Variants in TOX observed in about 807,000 individuals in gnomAD.
The protein encoded by TOX is thymocyte selection associated high mobility group box.
Under a neutral mutation model 53.7 loss-of-function variants are expected in TOX, and 11 were observed. That is an observed-to-expected ratio of 0.20 (90% confidence interval 0.13 to 0.34). The LOEUF (loss-of-function observed/expected upper bound fraction) is 0.34. TOX is among the 10% of genes least tolerant of loss of function. The probability of loss-of-function intolerance (pLI) is 1.00; values close to 1 mark genes in which losing one functional copy is unlikely to be tolerated. For synonymous variants in TOX, 225 were observed against 245.3 expected, an observed-to-expected ratio of 0.92 and a Z score of 0.77; for missense variants, 570 against 664.6, an observed-to-expected ratio of 0.86 and a Z score of 1.56.
chr8:58,862,379 GTTAATA>G (rs1191058083), intron 3 of TOX, among the ~76,000 whole-genome samples: 3 of 152,042 alleles, frequency 2.0e-5, no homozygotes, highest in Admixed American at 6.6e-5. Flanking sequence ...ACCTAATTTA[GTTAATA>G]TTAACATCAC....
Position 58,851,425 on chromosome 8 carries a change from A to G in TOX, c.693+99T>C, listed in dbSNP as rs146616967. ...TTAACAAAGCAGGTGTCTCCCTCCA[A>G]TGTTTCTCGCATGGATGATATAAAC... On this transcript the variant is annotated intron_variant, in intron 4 of 8. Transcript: ENST00000361421. The surrounding 1 kb of genome is among the most constrained non-coding windows in gnomAD (Gnocchi z 4.4). 261 of 1,373,422 alleles carry G rather than the reference A, an allele frequency of 1.9e-4. 2 individuals carry two copies. The African/African-American group carries it at 2.9e-3, about 15-fold the overall frequency. The allele number at this position is 1,373,422 out of a possible 1,614,324, so 85.1% of individuals were successfully genotyped here.
Position 59,118,982 on chromosome 8 carries a change from G to C in TOX, c.6C>G (p.Asp2Glu), listed in dbSNP as rs1459678466. 6.2e-7 allele frequency: 1 copy of C among 1,600,456 alleles called. No individual in the cohort carries two copies. ...GGGCTGGAGGTGGATAAAATCTTACGTCCATTTCACTCTCACATCAAGCAA... is the reference window on the plus strand; with the variant it reads ...GGGCTGGAGGTGGATAAAATCTTACCTCCATTTCACTCTCACATCAAGCAA... The part of the protein sequence containing the change: M[D>E]VRFYPPPAQP... Residue 2 changes from aspartate (D) to glutamate (E), a missense_variant, in exon 1 of 9, where the codon GAC becomes GAG. Asp to Glu is a conservative substitution (Grantham distance 45, BLOSUM62 2). This residue lies in a region of TOX where 282 missense variants were observed against 315.0 expected (regional missense o/e 0.90). Coordinates refer to ENST00000361421, the MANE Select transcript of TOX (RefSeq NM_014729.3). The surrounding 1 kb of genome is among the most constrained non-coding windows in gnomAD (Gnocchi z 4.1).
At position 59,119,016 on chromosome 8, in the gene TOX, CTTTTTCCTTTTT is replaced by C; in HGVS notation, c.-41_-30del. 6.7e-7 allele frequency: 1 copy of C among 1,501,452 alleles called. No individual in the cohort carries two copies. Among genetic ancestry groups the C allele is most frequent in the South Asian group, 1.1e-5 (1 of 87,616 alleles). 93.0% of individuals were successfully genotyped at this position (1,501,452 alleles called of 1,614,324 possible). A position where few individuals can be genotyped will look rare whatever the true frequency, so the allele number is the denominator to read the frequency against. ...ACTCTCACATCAAGCAACTCCTTTT[CTTTTTCCTTTTT>C]TAAAAAAAAGTGTTCAGCAAAACAA... On this transcript the variant is annotated 5_prime_UTR_variant, in exon 1 of 9. Transcript: ENST00000361421.
At chr8:58,882,112 C>T (rs1455676326) in intron 3 of TOX, among the ~76,000 whole-genome samples, 3 of 152,194 alleles carry the variant, frequency 2.0e-5, no homozygotes, top group African/African-American at 7.2e-5. Context: ...TTTCAGGAAA[C>T]TGCAGTGCAT....
chr8:58,924,546 G>A (rs1318494547), intron 3 of TOX, among the ~76,000 whole-genome samples: 1 of 152,212 alleles, frequency 6.6e-6, no homozygotes, highest in African/African-American at 2.4e-5. Context: ...TCATAACTTA[G>A]ACCAAGAGCC....
At position 58,962,152 on chromosome 8, in the gene TOX, A is replaced by G. The variant is rs144917825; in HGVS notation, c.103-2144T>C. Among the ~76,000 whole-genome samples the G allele has an allele frequency of 3.6e-4, 55 of 152,310 alleles. No individual in the cohort carries two copies. In the East Asian group the frequency reaches 9.4e-3, roughly 26 times the overall value. ...TTCTCAAGCCAGCTAAAGGCTTTGAAGTTTTGGGTTGAGTCTATCCAACAT... is the reference window on the plus strand; with the variant it reads ...TTCTCAAGCCAGCTAAAGGCTTTGAGGTTTTGGGTTGAGTCTATCCAACAT... On this transcript the variant is annotated intron_variant, in intron 1 of 8. Transcript: ENST00000361421.
At chr8:58,915,253 A>T (rs1286677170) in intron 3 of TOX, among the ~76,000 whole-genome samples, 7 of 145,134 alleles carry the variant, frequency 4.8e-5, no homozygotes, top group African/African-American at 7.7e-5. Context: ...GGGGCAGGGC[A>T]CAGACAAACA....
At chr8:58,982,479 A>G (rs930674736) in intron 1 of TOX, among the ~76,000 whole-genome samples, 1 of 151,952 alleles carries the variant, frequency 6.6e-6, no homozygotes, top group East Asian at 1.9e-4. Context: ...TCAAGGCTCA[A>G]CTCTTCTTCC....
chr8:58,927,806 G>T (rs1017755363), intron 3 of TOX, among the ~76,000 whole-genome samples: 8 of 152,146 alleles, frequency 5.3e-5, no homozygotes, highest in Non-Finnish European at 1.0e-4. Context: ...CAGATGCACA[G>T]ACCAGATCAA....
intron 3 of TOX, among the ~76,000 whole-genome samples, chr8:58,907,555 A>AT (rs1477411650): frequency 1.3e-5 from 2 of 152,062 alleles, no homozygotes; most frequent in African/African-American, 4.8e-5. Context: ...AGATCACACC[A>AT]TTGCACTCCA....
At chr8:58,839,848 G>A (rs1389075505) in intron 4 of TOX, among the ~76,000 whole-genome samples, 1 of 152,220 alleles carries the variant, frequency 6.6e-6, no homozygotes, top group East Asian at 1.9e-4. Context: ...ATGATGTACA[G>A]AGAGGTCTGT....
At position 58,851,165 on chromosome 8, in the gene TOX, T is replaced by TCC; in HGVS notation, c.693+358_693+359insGG. On this transcript the variant is annotated intron_variant, in intron 4 of 8. Transcript: ENST00000361421. The surrounding 1 kb of genome is among the most constrained non-coding windows in gnomAD (Gnocchi z 4.4). ...CATCTCCTCTCTCTCTCTGTCTCTC[T>TCC]CTCTCTCTCTCTCTCTCTCTCACAC... 7.6e-6 allele frequency among the ~76,000 whole-genome samples: 1 copy of TCC among 130,762 alleles called. No homozygotes were observed. The highest frequency in any genetic ancestry group is 3.2e-5 in the African/African-American group (1 of 30,880). The allele number at this position is 130,762 out of a possible 152,430, so 85.8% of individuals were successfully genotyped here.
At chr8:58,989,146 C>T (rs986098130) in intron 1 of TOX, among the ~76,000 whole-genome samples, 13 of 151,962 alleles carry the variant, frequency 8.6e-5, no homozygotes, top group Non-Finnish European at 1.9e-4. Flanking sequence ...AAAACTCTGT[C>T]TTCTACTACA....
intron 7 of TOX, among the ~76,000 whole-genome samples, chr8:58,811,189 G>A (rs1320976199): frequency 2.0e-5 from 3 of 152,144 alleles, no homozygotes; most frequent in East Asian, 3.8e-4. Flanking sequence ...TTGATTATTG[G>A]TGTAAATATG....
intron 1 of TOX, among the ~76,000 whole-genome samples, chr8:59,115,741 T>C (rs1008769901): frequency 1.3e-5 from 2 of 152,142 alleles, no homozygotes; most frequent in Non-Finnish European, 2.9e-5. Flanking sequence ...CAACATGCCA[T>C]CCGTTCTGGC....
At chr8:58,911,163 T>G (rs911369869) in intron 3 of TOX, among the ~76,000 whole-genome samples, 4 of 152,174 alleles carry the variant, frequency 2.6e-5, no homozygotes, top group African/African-American at 9.7e-5. Flanking sequence ...TGGGAGTTTA[T>G]TTCATGGTTT....
intron 1 of TOX, among the ~76,000 whole-genome samples, chr8:58,980,525 C>G (rs1417638906): frequency 6.6e-6 from 1 of 152,194 alleles, no homozygotes; most frequent in African/African-American, 2.4e-5. Flanking sequence ...ATAGGTATCC[C>G]TTTCCCCACT....
At chr8:58,943,641 A>G (rs1421812892) in intron 2 of TOX, among the ~76,000 whole-genome samples, 3 of 149,896 alleles carry the variant, frequency 2.0e-5, no homozygotes, top group African/African-American at 7.4e-5. Context: ...CAAACAAATT[A>G]GAGGCCACCA....
At chr8:59,064,085 G>A (rs1443609815) in intron 1 of TOX, among the ~76,000 whole-genome samples, 2 of 152,074 alleles carry the variant, frequency 1.3e-5, no homozygotes, top group East Asian at 1.9e-4. Flanking sequence ...TGGGGTGGGG[G>A]GAGGTGACAG....
Sources: allele counts gnomAD v4.1 joint callset (sites outside exome capture counted in the v4.1 genomes callset), GRCh38; gene constraint gnomAD v4.1.1; regional missense constraint gnomAD v4.1.1; non-coding constraint Gnocchi (gnomAD v3.1); transcripts MANE v1.5; gene names NCBI Gene and HGNC (gene_info 2026-07-23, HGNC 2026-07-21).